Variants in JOSD1 observed in about 807,000 individuals in gnomAD.
The protein encoded by JOSD1 is Josephin domain containing 1.
In JOSD1, 11 loss-of-function variants were observed where a neutral mutation model predicts 24.3. That is an observed-to-expected ratio of 0.45 (90% confidence interval 0.29 to 0.75). The LOEUF is 0.75. Among genes scored for constraint, JOSD1 ranks in the 30% least tolerant of loss-of-function variants. The probability of loss-of-function intolerance (pLI) is 0.11; values close to 1 mark genes in which losing one functional copy is unlikely to be tolerated. For synonymous variants in JOSD1, 106 were observed against 93.8 expected (o/e 1.13, Z -0.75); for missense variants, 184 against 253.5 (o/e 0.73, Z 1.86).
intron 1 of JOSD1, 32 bp from the exon 2 acceptor site, chr22:38,700,650 C>T: frequency 2.0e-6 from 2 of 983,518 alleles, no homozygotes; most frequent in South Asian, 4.7e-5. Flanking sequence ...CGGTCAGCGG[C>T]GAGCGGGCGC....
chr22:38,692,969 A>G (rs1007027980), intron 2 of JOSD1, among the ~76,000 whole-genome samples: 1 of 151,996 alleles, frequency 6.6e-6, no homozygotes, highest in Non-Finnish European at 1.5e-5. Context: ...TTCACCATCT[A>G]ACTCCCTACC....
At chr22:38,691,625 T>C (rs1157179720) in intron 2 of JOSD1, among the ~76,000 whole-genome samples, 1 of 152,218 alleles carries the variant, frequency 6.6e-6, no homozygotes, top group African/African-American at 2.4e-5. Flanking sequence ...CTTTCTGTAG[T>C]TCCTTATTGT....
At position 38,686,492 on chromosome 22, in the gene JOSD1, C is replaced by G. The variant is rs1052836828; in HGVS notation, c.*1410G>C. 1 of 152,228 alleles carries G rather than the reference C, an allele frequency of 6.6e-6. No individual in the cohort carries two copies. Among genetic ancestry groups the G allele is most frequent in the Non-Finnish European group, 1.5e-5 (1 of 68,062 alleles). 9.4% of individuals were successfully genotyped at this position (152,228 alleles called of 1,614,324 possible). On this transcript the variant is annotated 3_prime_UTR_variant, in exon 5 of 5. Transcript: ENST00000683374. ...CAACCACATCCACTTTGGAGACACG[C>G]ATATGGTATGATACTTATTTCTCCT...
At chr22:38,700,945 C>T (rs540207049), upstream of JOSD1, 2 of 984,658 alleles carry the variant, frequency 2.0e-6, no homozygotes, top group African/African-American at 1.8e-5. Context: ...CCAACTGGGC[C>T]GTGCGGGCGG....
At chr22:38,699,691 C>T (rs1804094338) in intron 2 of JOSD1, 112 bp downstream of exon 2, 4 of 1,017,100 alleles carry the variant, frequency 3.9e-6, no homozygotes, top group South Asian at 2.7e-5. Flanking sequence ...TACCTGCTAA[C>T]GCAATCTAGC....
In JOSD1 at chr22:38,699,931, G is replaced by A; in HGVS notation, c.57C>T (p.Pro19=). Residue 19 remains proline, a synonymous_variant, in exon 2 of 5, where the codon CCC becomes CCT. Transcript: ENST00000683374. The part of the protein sequence containing the change: ...DKAKSESLEL[P]QAAPPQIYHE... ...GGTAGATTTGTGGGGGTGCTGCCTG[G>A]GGCAGCTCCAATGATTCAGATTTGG... 3 of 1,613,728 alleles carry A rather than the reference G, an allele frequency of 1.9e-6. No homozygotes were observed. Among genetic ancestry groups the A allele is most frequent in the Non-Finnish European group, 2.5e-6 (3 of 1,179,780 alleles).
chr22:38,692,115 A>T (rs1015156606), intron 2 of JOSD1, among the ~76,000 whole-genome samples: 1 of 152,220 alleles, frequency 6.6e-6, no homozygotes, highest in African/African-American at 2.4e-5. Flanking sequence ...TGTAATAATA[A>T]CTATAACTTA....
At position 38,688,931 on chromosome 22, in the gene JOSD1, T is replaced by C. The variant is rs747611463; in HGVS notation, c.509+4A>G. On this transcript the variant is annotated splice_donor_region_variant and intron_variant, in intron 4 of 4. Coordinates refer to ENST00000683374, the MANE Select transcript of JOSD1 (RefSeq NM_001360236.2). ...GCAACTTAGTCACAAAAGGTGCCGA[T>C]TACCTGAGCTCGCTCTCGCCTCCAA... 114 of 1,611,110 alleles carry C rather than the reference T, an allele frequency of 7.1e-5. No individual in the cohort carries two copies. The highest frequency in any genetic ancestry group is 8.9e-5 in the Non-Finnish European group (105 of 1,178,054).
intron 4 of JOSD1, 31 bp from the exon 5 acceptor site, chr22:38,688,032 G>C: frequency 6.5e-7 from 1 of 1,543,120 alleles, no homozygotes. Context: ...AAAATGAAAT[G>C]CTGGCAAGTT....
At chr22:38,690,411 T>C (rs1490283954) in intron 2 of JOSD1, among the ~76,000 whole-genome samples, 1 of 149,380 alleles carries the variant, frequency 6.7e-6, no homozygotes. Flanking sequence ...TTTTTCTTTC[T>C]TTTTTTTTTG....
intron 2 of JOSD1, among the ~76,000 whole-genome samples, chr22:38,695,786 G>A (rs1426710097): frequency 2.6e-5 from 4 of 151,788 alleles, no homozygotes; most frequent in African/African-American, 2.4e-5. Context: ...GGCCGGGCAC[G>A]GTGGCTCACG....
chr22:38,689,164 G>A, intron 3 of JOSD1, 35 bp from the exon 4 acceptor site: 14 of 1,603,524 alleles, frequency 8.7e-6, no homozygotes, highest in Non-Finnish European at 1.2e-5. Context: ...CTCTGATGCA[G>A]CCCATTTTCC....
Position 38,700,910 on chromosome 22 carries a change from C to G in JOSD1, c.-742G>C. The G allele has an allele frequency of 1.0e-6, 1 of 984,534 alleles. No individual in the cohort carries two copies. The highest frequency in any genetic ancestry group is 1.2e-6 in the Non-Finnish European group (1 of 829,662). 61.0% of individuals were successfully genotyped at this position (984,534 alleles called of 1,614,324 possible). On this transcript the variant is annotated 5_prime_UTR_variant, in exon 1 of 5. Coordinates refer to ENST00000683374, the MANE Select transcript of JOSD1 (RefSeq NM_001360236.2). ...CCGCTGGCGGTCCCCTCACCGCAGC[C>G]GGCCGCCACCTGGAGTGCGCGCCGC... is the stretch of plus-strand genomic sequence containing the variant.
In JOSD1 at chr22:38,700,042, AG is replaced by A; in HGVS notation, c.-56del. 6.6e-7 allele frequency: 1 copy of A among 1,523,986 alleles called. No individual in the cohort carries two copies. Among genetic ancestry groups the A allele is most frequent in the South Asian group, 1.3e-5 (1 of 75,254 alleles). 94.4% of individuals were successfully genotyped at this position (1,523,986 alleles called of 1,614,324 possible). ...ATAAACACCCCACTCTTCCCTCTAG[AG>A]GAAGAATGTAAGCTTCTCAGTCTTT... On this transcript the variant is annotated 5_prime_UTR_variant, in exon 2 of 5. Transcript: ENST00000683374.
intron 2 of JOSD1, among the ~76,000 whole-genome samples, chr22:38,696,517 T>C (rs994746221): frequency 1.3e-5 from 2 of 152,160 alleles, no homozygotes; most frequent in African/African-American, 2.4e-5. Context: ...TGGGATTACA[T>C]GCGTGAGCCA....
At chr22:38,691,686 T>G (rs1484768860) in intron 2 of JOSD1, among the ~76,000 whole-genome samples, 1 of 152,164 alleles carries the variant, frequency 6.6e-6, no homozygotes, top group Non-Finnish European at 1.5e-5. Context: ...TTTCTTTTTT[T>G]GAGACAGAGT....
chr22:38,701,136 G>T (rs1189558706), upstream of JOSD1: 2 of 287,022 alleles, frequency 7.0e-6, no homozygotes, highest in Non-Finnish European at 5.2e-6. Context: ...AACGGTTGGG[G>T]TGTTGCAAAG....
chr22:38,690,557 C>T (rs958463302), intron 2 of JOSD1, among the ~76,000 whole-genome samples: 1 of 151,948 alleles, frequency 6.6e-6, no homozygotes, highest in Non-Finnish European at 1.5e-5. Context: ...CACCCGCCAC[C>T]ACGCCCACCT....
chr22:38,701,094 C>G, upstream of JOSD1: 2 of 584,276 alleles, frequency 3.4e-6, no homozygotes, highest in Non-Finnish European at 4.3e-6. Flanking sequence ...GGCCTGGGAG[C>G]CGCAGACGCC....
Sources: gnomAD v4.1 joint callset for allele counts (sites outside exome capture counted in the v4.1 genomes callset) on GRCh38, gnomAD v4.1.1 for gene constraint, MANE v1.5 for transcripts, NCBI Gene and HGNC (gene_info 2026-07-23, HGNC 2026-07-21) for gene names.